The following NBAS variants were observed in gnomAD, a reference collection of about 807,000 sequenced individuals.
NBAS encodes NBAS subunit of NRZ tethering complex.
NBAS carries 219 observed loss-of-function variants against 302.5 expected under a neutral mutation model. The observed-to-expected ratio is 0.72, with a 90% CI of 0.65 to 0.81. The LOEUF (loss-of-function observed/expected upper bound fraction) is 0.81. Among genes scored for constraint, NBAS ranks in the 30% least tolerant of loss-of-function variants. NBAS has a pLI of 0.00. For missense variants in NBAS, 2,932 were observed against 2,841.6 expected (o/e 1.03, Z -0.72); for synonymous variants, 1,118 against 1,021.6 (o/e 1.09, Z -1.80).
At chr2:14,908,300 T>C in the NBAS span, among the ~76,000 whole-genome samples, 1 of 152,156 alleles carries the variant, frequency 6.6e-6, no homozygotes, top group Non-Finnish European at 1.5e-5. Context: ...GAGGCGGAGC[T>C]TGCAGTGAGC....
At chr2:15,507,717 A>C (rs951659759) in intron 10 of NBAS, among the ~76,000 whole-genome samples, 2 of 152,250 alleles carry the variant, frequency 1.3e-5, no homozygotes, top group South Asian at 4.1e-4. Context: ...TATTTGAGAC[A>C]TAGCTGTTCT....
the NBAS span, among the ~76,000 whole-genome samples, chr2:14,950,124 T>C: frequency 6.6e-6 from 1 of 152,190 alleles, no homozygotes. Context: ...CCAAGCAGTA[T>C]ACACTGCACC....
the NBAS span, among the ~76,000 whole-genome samples, chr2:14,804,483 G>A: frequency 6.6e-6 from 1 of 152,146 alleles, no homozygotes; most frequent in Non-Finnish European, 1.5e-5. Context: ...GCCATATAAA[G>A]TGTCTTCAAA....
At chr2:15,042,542 G>A in the NBAS span, among the ~76,000 whole-genome samples, 1 of 152,236 alleles carries the variant, frequency 6.6e-6, no homozygotes, top group East Asian at 1.9e-4. Context: ...AAATTCACAG[G>A]AAGCCCATTG....
Position 15,309,231 on chromosome 2 carries a change from T to G in NBAS, c.4599A>C (p.Ala1533=), listed in dbSNP as rs139902483. The part of the protein sequence containing the change: ...FPTTEVLLQL[A]SEALPNDMTL... ...TCATGTCATTTGGCAAGGCTTCACT[T>G]GCTAGTTGCAAGAGAACTGAATGCA... Residue 1533 remains alanine, a synonymous_variant, in exon 39 of 52, where the codon GCA becomes GCC. Transcript: ENST00000281513. 1.5e-4 allele frequency: 245 copies of G among 1,611,878 alleles called. No homozygotes were observed. In the African/African-American group the frequency reaches 3.0e-3, roughly 20 times the overall value.
chr2:14,975,231 A>G, the NBAS span, among the ~76,000 whole-genome samples: 1 of 152,178 alleles, frequency 6.6e-6, no homozygotes, highest in Non-Finnish European at 1.5e-5. Context: ...GCCTAACTGG[A>G]CTTCTGACCC....
chr2:14,910,347 T>C, the NBAS span, among the ~76,000 whole-genome samples: 3 of 152,230 alleles, frequency 2.0e-5, no homozygotes, highest in Admixed American at 6.5e-5. Flanking sequence ...TTTTCTGCTC[T>C]GAGCCTCAAG....
chr2:15,164,431 G>A (rs1395303430), downstream of NBAS, among the ~76,000 whole-genome samples: 1 of 152,202 alleles, frequency 6.6e-6, no homozygotes, highest in Admixed American at 6.5e-5. Context: ...TTATTAATTA[G>A]TAACTTAAGC....
chr2:15,125,302 T>C, the NBAS span, among the ~76,000 whole-genome samples: 61,376 of 152,048 alleles, frequency 0.4, 13,397 homozygotes, highest in African/African-American at 0.58. Context: ...TAGGGGGGCC[T>C]CAAGAAGCTT....
intron 46 of NBAS, among the ~76,000 whole-genome samples, chr2:15,232,899 T>A (rs1367204306): frequency 2.0e-5 from 3 of 151,952 alleles, no homozygotes; most frequent in South Asian, 4.2e-4. Flanking sequence ...TACTTGCTAC[T>A]AATAAGTACC....
At chr2:15,361,504 C>T (rs377144006) in intron 32 of NBAS, among the ~76,000 whole-genome samples, 2 of 151,788 alleles carry the variant, frequency 1.3e-5, no homozygotes, top group African/African-American at 4.8e-5. Context: ...CACAGTGAGA[C>T]TCTGGCTCAA....
chr2:15,316,771 C>G (rs1057077013), intron 38 of NBAS, among the ~76,000 whole-genome samples: 3 of 152,224 alleles, frequency 2.0e-5, no homozygotes, highest in African/African-American at 7.2e-5. Flanking sequence ...ACTACTGCCT[C>G]TACAGACTCC....
chr2:15,300,483 T>G (rs574282497), intron 40 of NBAS, among the ~76,000 whole-genome samples: 2 of 152,230 alleles, frequency 1.3e-5, no homozygotes, highest in African/African-American at 2.4e-5. Flanking sequence ...AACTCCTATA[T>G]ACTTAAAACA....
chr2:14,980,670 G>A, the NBAS span, among the ~76,000 whole-genome samples: 1 of 151,286 alleles, frequency 6.6e-6, no homozygotes, highest in East Asian at 1.9e-4. Flanking sequence ...GAATAGGCAG[G>A]AAAAAAAATC....
chr2:15,243,758 C>T (rs1667966389), intron 44 of NBAS, among the ~76,000 whole-genome samples: 1 of 151,992 alleles, frequency 6.6e-6, no homozygotes, highest in Non-Finnish European at 1.5e-5. Context: ...AAGTACTGTC[C>T]AGATCGGAAG....
chr2:15,092,336 A>G, the NBAS span, among the ~76,000 whole-genome samples: 8 of 152,218 alleles, frequency 5.3e-5, no homozygotes, highest in Admixed American at 4.6e-4. Context: ...GATGGTTTCA[A>G]GAGCCCAGCA....
chr2:14,976,358 G>T, the NBAS span, among the ~76,000 whole-genome samples: 3 of 152,136 alleles, frequency 2.0e-5, no homozygotes, highest in Admixed American at 6.5e-5. Flanking sequence ...CCACAAATCT[G>T]CATAAGGGAT....
chr2:15,073,489 A>T, the NBAS span, among the ~76,000 whole-genome samples: 49 of 144,180 alleles, frequency 3.4e-4, 2 homozygotes, highest in Non-Finnish European at 5.0e-4. Context: ...AAAAAAAAAA[A>T]AATAAAAAAT....
At chr2:15,250,206 A>G (rs1018155032) in intron 44 of NBAS, among the ~76,000 whole-genome samples, 1 of 152,220 alleles carries the variant, frequency 6.6e-6, no homozygotes, top group African/African-American at 2.4e-5. Context: ...GAAACAAGCA[A>G]TGGGGAAAGG....
Sources: gnomAD v4.1 joint callset for allele counts (sites outside exome capture counted in the v4.1 genomes callset) on GRCh38, gnomAD v4.1.1 for gene constraint, MANE v1.5 for transcripts, NCBI Gene and HGNC (gene_info 2026-07-23, HGNC 2026-07-21) for gene names.